The following MTMR7 variants were observed in gnomAD, a reference collection of about 807,000 sequenced individuals.
MTMR7 encodes phosphatidylinositol-3-phosphate phosphatase MTMR7.
Under a neutral mutation model 81.2 loss-of-function variants are expected in MTMR7, and 76 were observed. The ratio of observed to expected loss-of-function variants is 0.94; its 90% CI spans 0.78 to 1.13. MTMR7 has a LOEUF of 1.13. Among genes scored for constraint, MTMR7 ranks in the 50% most tolerant of loss-of-function variants. The pLI is 0.00. For synonymous variants in MTMR7, 372 were observed against 289.8 expected, an observed-to-expected ratio of 1.28 and a Z score of -2.88; for missense variants, 1,044 against 820.0, an observed-to-expected ratio of 1.27 and a Z score of -3.34.
intron 1 of MTMR7, among the ~76,000 whole-genome samples, chr8:17,392,319 T>C (rs1039984383): frequency 1.3e-5 from 2 of 152,172 alleles, no homozygotes; most frequent in African/African-American, 2.4e-5. Flanking sequence ...AATGTCAAAA[T>C]TTACTAATAA....
chr8:17,372,979 C>T lies in MTMR7; in HGVS notation c.147+139G>A, dbSNP rs1389283510. 6 of 1,009,376 alleles carry T rather than the reference C, an allele frequency of 5.9e-6. No individual in the cohort carries two copies. In the African/African-American group the frequency reaches 6.6e-5, roughly 11 times the overall value. The allele number at this position is 1,009,376 out of a possible 1,614,324, so 62.5% of individuals were successfully genotyped here. ...TACGACTGCACAGAAAAAGTCCAAA[C>T]ACACATTCCAGAAACAGTTCCCCAA... On this transcript the variant is annotated intron_variant, in intron 2 of 13. Transcript: ENST00000180173.
At chr8:17,351,261 T>A (rs1819720947) in intron 4 of MTMR7, among the ~76,000 whole-genome samples, 1 of 152,238 alleles carries the variant, frequency 6.6e-6, no homozygotes, top group South Asian at 2.1e-4. Flanking sequence ...CATGCAAGAT[T>A]TGTCAACATG....
At chr8:17,332,992 G>C (rs1270396571) in intron 6 of MTMR7, among the ~76,000 whole-genome samples, 1 of 152,110 alleles carries the variant, frequency 6.6e-6, no homozygotes, top group Non-Finnish European at 1.5e-5. Flanking sequence ...GAGCATATAT[G>C]AAGTTTGTAA....
chr8:17,361,185 C>T lies in MTMR7; in HGVS notation c.400G>A (p.Glu134Lys). 1 of 1,614,200 alleles carries T rather than the reference C, an allele frequency of 6.2e-7. No homozygotes were observed. Among genetic ancestry groups the T allele is most frequent in the African/African-American group, 1.3e-5 (1 of 75,052 alleles). The change falls in exon 4 of 14, where the codon GAA becomes AAA. Residue 134 changes from glutamate to lysine, a missense_variant. Transcript: ENST00000180173. The stretch of plus-strand genomic sequence containing the variant: ...GGGAGGCCCATCCGCGTGTATTCTT[C>T]ACTAAGATCGATCAGCACCCAGCCT... ...EQGWVLIDLS[E>K]EYTRMGLPNH... is the part of the protein sequence containing the mutation.
intron 2 of MTMR7, among the ~76,000 whole-genome samples, chr8:17,371,583 G>A (rs543948250): frequency 6.6e-6 from 1 of 152,146 alleles, no homozygotes; most frequent in South Asian, 2.1e-4. Context: ...GTTAGAGATG[G>A]CTCCGCTGGG....
At chr8:17,326,502 C>G (rs1287802989) in intron 7 of MTMR7, 1 of 152,190 alleles carries the variant, frequency 6.6e-6, no homozygotes, top group Non-Finnish European at 1.5e-5. Flanking sequence ...AATCACTACT[C>G]AACAACGATC....
chr8:17,352,496 C>G (rs1037572216), intron 4 of MTMR7, among the ~76,000 whole-genome samples: 8 of 152,018 alleles, frequency 5.3e-5, no homozygotes, highest in Admixed American at 5.2e-4. Flanking sequence ...GTATTAAACT[C>G]CTAGAAAAGA....
intron 7 of MTMR7, among the ~76,000 whole-genome samples, chr8:17,317,398 G>A (rs1297461710): frequency 2.0e-5 from 3 of 152,166 alleles, no homozygotes; most frequent in Admixed American, 2.0e-4. Context: ...CACGTTGGAT[G>A]CCAGTGTCCT....
Position 17,304,463 on chromosome 8 carries a change from T to G in MTMR7, c.1409A>C (p.Tyr470Ser). 6.2e-7 allele frequency: 1 copy of G among 1,614,094 alleles called. No individual in the cohort carries two copies. The highest frequency in any genetic ancestry group is 8.5e-7 in the Non-Finnish European group (1 of 1,179,966). Residue 470 changes from tyrosine to serine, a missense_variant, in exon 12 of 14, where the codon TAC becomes TCC. By Grantham distance (144) the Tyr-to-Ser change is moderately radical (BLOSUM62 -2). Coordinates refer to ENST00000180173, the MANE Select transcript of MTMR7 (RefSeq NM_004686.5). ...WAHLWKNRAD[Y>S]LNPLFRADHS... ...ATCAGCTCTAAACAGAGGATTCAGG[T>G]AGTCGGCCCGATTCTTCCACAGGTG...
In MTMR7 at chr8:17,349,526, C is replaced by T. The variant is rs146762067; in HGVS notation, c.469-445G>A. 27 of 165,924 alleles carry T rather than the reference C, an allele frequency of 1.6e-4. No homozygotes were observed. The East Asian group carries it at 3.0e-3, about 19-fold the overall frequency. 10.3% of individuals were successfully genotyped at this position (165,924 alleles called of 1,614,324 possible). ...GCAGGTTAACTCTGTGGCTCTGACA[C>T]GCCCAGTGTGCATTCCTGACCCTGA... On this transcript the variant is annotated intron_variant, in intron 4 of 13. Transcript: ENST00000180173.
chr8:17,376,010 G>T (rs886104354), intron 1 of MTMR7, among the ~76,000 whole-genome samples: 2 of 151,980 alleles, frequency 1.3e-5, no homozygotes, highest in Non-Finnish European at 2.9e-5. Context: ...AAACATTAAC[G>T]CACTATTTTA....
At position 17,309,070 on chromosome 8, in the gene MTMR7, ATTAG is replaced by A. The variant is rs537227037; in HGVS notation, c.1151+203_1151+206del. Among the ~76,000 whole-genome samples, 324 of 152,362 alleles carry A rather than the reference ATTAG, an allele frequency of 2.1e-3. 1 individual carries two copies. The highest frequency in any genetic ancestry group is 3.4e-3 in the Middle Eastern group (1 of 294). ...TCTGTCTCTTCTAGAACAAGTTAACATTAGTTAGTTCTGCCCAACTGTTACCAAA... is the reference window on the plus strand; with the variant it reads ...TCTGTCTCTTCTAGAACAAGTTAACATTAGTTCTGCCCAACTGTTACCAAA... On this transcript the variant is annotated intron_variant, in intron 10 of 13. Transcript: ENST00000180173.
chr8:17,354,491 T>G (rs1819826478), intron 4 of MTMR7, among the ~76,000 whole-genome samples: 1 of 152,154 alleles, frequency 6.6e-6, no homozygotes, highest in Non-Finnish European at 1.5e-5. Flanking sequence ...CATAAGCAAG[T>G]GTCTTATAAA....
rs756885959 is a variant in MTMR7 at position 17,299,556 on chromosome 8, A to AAGAT, written c.*302_*305dup. 8.6e-5 allele frequency: 23 copies of AAGAT among 266,962 alleles called. 1 individual carries two copies. Among genetic ancestry groups the AAGAT allele is most frequent in the South Asian group, 3.9e-4 (5 of 12,882 alleles). 16.5% of individuals were successfully genotyped at this position (266,962 alleles called of 1,614,324 possible). A position where few individuals can be genotyped will look rare whatever the true frequency, so the allele number is the denominator to read the frequency against. Reference sequence around the variant, plus strand: ...TTGAGAGATGCATGCTATGACAAGGAAGATAGATACTGATCACTTCAGGTA... The same window carrying AAGAT: ...TTGAGAGATGCATGCTATGACAAGGAAGATAGATAGATACTGATCACTTCAGGTA... On this transcript the variant is annotated 3_prime_UTR_variant, in exon 14 of 14. Transcript: ENST00000180173.
intron 11 of MTMR7, 72 bp downstream of exon 11, chr8:17,305,685 A>G (rs1817402448): frequency 4.5e-6 from 6 of 1,347,786 alleles, no homozygotes; most frequent in East Asian, 2.3e-5. Context: ...AAATTATGAA[A>G]GGCCACCTAA....
rs1820052028 is a variant in MTMR7, at chr8:17,361,286, G to T, written c.311-12C>A. 6.2e-7 allele frequency: 1 copy of T among 1,613,978 alleles called. No homozygotes were observed. Among genetic ancestry groups the T allele is most frequent in the Non-Finnish European group, 8.5e-7 (1 of 1,179,888 alleles). On this transcript the variant is annotated splice_polypyrimidine_tract_variant and intron_variant, in intron 3 of 13. Transcript: ENST00000180173. ...CTCCTCATATTTCACTGCAAGAAAAGGTAGGATAAAGTTAAATCAAGCTTA... is the reference window on the plus strand; with the variant it reads ...CTCCTCATATTTCACTGCAAGAAAATGTAGGATAAAGTTAAATCAAGCTTA...
intron 1 of MTMR7, among the ~76,000 whole-genome samples, chr8:17,404,815 T>C (rs186955878): frequency 6.6e-6 from 1 of 151,896 alleles, no homozygotes; most frequent in African/African-American, 2.4e-5. Flanking sequence ...TTTTGTTTTG[T>C]TGTTGTTTTG....
chr8:17,357,899 T>C (rs1036280123), intron 4 of MTMR7, among the ~76,000 whole-genome samples: 2 of 120,478 alleles, frequency 1.7e-5, no homozygotes, highest in Admixed American at 1.5e-4. Context: ...AATAAATAAC[T>C]TTTTTTCTTT....
At chr8:17,316,337 T>G (rs1818069520) in intron 7 of MTMR7, among the ~76,000 whole-genome samples, 1 of 151,986 alleles carries the variant, frequency 6.6e-6, no homozygotes, top group African/African-American at 2.4e-5. Flanking sequence ...TAGATATCCA[T>G]ATTATGTAAA....
Sources: allele counts gnomAD v4.1 joint callset (sites outside exome capture counted in the v4.1 genomes callset), GRCh38; gene constraint gnomAD v4.1.1; transcripts MANE v1.5; gene names NCBI Gene and HGNC (gene_info 2026-07-23, HGNC 2026-07-21).